JAKMIP3: variants seen among roughly 807,000 people sequenced by gnomAD.
JAKMIP3 encodes janus kinase and microtubule-interacting protein 3.
Under a neutral mutation model 118.5 loss-of-function variants are expected in JAKMIP3, and 58 were observed. The observed-to-expected ratio is 0.49, with a 90% CI of 0.40 to 0.61. The LOEUF is 0.61. JAKMIP3 is among the 20% of genes least tolerant of loss of function. JAKMIP3 has a pLI of 0.00. For synonymous variants in JAKMIP3, 486 were observed against 451.2 expected (o/e 1.08, Z -0.98); for missense variants, 950 against 1,109.0 (o/e 0.86, Z 2.04).
chr10:132,159,213 TGGGGGCATCTCTCCCTGTGTGATGCTGG>T (rs1564980469), intron 19 of JAKMIP3, among the ~76,000 whole-genome samples: 1 of 8,930 alleles, frequency 1.1e-4, no homozygotes, highest in Non-Finnish European at 1.9e-4. Flanking sequence ...TGTGATGCTG[TGGGGGCATCTCTCCCTGTGTGATGCTGG>T]GGGGGCCTCT....
chr10:132,038,062 T>C (rs1328497477), intron 1 of JAKMIP3, among the ~76,000 whole-genome samples: 1 of 152,234 alleles, frequency 6.6e-6, no homozygotes, highest in Non-Finnish European at 1.5e-5. Flanking sequence ...ATTGAGGATA[T>C]AGTTTGTTTT....
chr10:132,181,344 A>T (rs2061447666), intron 23 of JAKMIP3: 1 of 152,258 alleles, frequency 6.6e-6, no homozygotes, highest in Non-Finnish European at 1.5e-5. Flanking sequence ...AGTTGATCAC[A>T]TAATTCAGAG....
intron 1 of JAKMIP3, among the ~76,000 whole-genome samples, chr10:132,084,837 G>T (rs150998020): frequency 0.03 from 4,498 of 152,264 alleles, 112 homozygotes; most frequent in South Asian, 0.14. Flanking sequence ...ATGATCATGT[G>T]ATTTTTGTTT....
upstream of JAKMIP3, among the ~76,000 whole-genome samples, chr10:132,063,906 G>C (rs1221726001): frequency 6.6e-6 from 1 of 152,118 alleles, no homozygotes; most frequent in African/African-American, 2.4e-5. Context: ...TGTTTTTCTT[G>C]AGTGCAACAC....
At chr10:132,043,812 C>T (rs1196175091) in intron 1 of JAKMIP3, among the ~76,000 whole-genome samples, 4 of 152,144 alleles carry the variant, frequency 2.6e-5, no homozygotes, top group South Asian at 2.1e-4. Flanking sequence ...CTTCAGGCGT[C>T]GGTGTTAATG....
upstream of JAKMIP3, among the ~76,000 whole-genome samples, chr10:132,063,330 G>A (rs77127626): frequency 1.3e-5 from 2 of 152,166 alleles, no homozygotes; most frequent in African/African-American, 4.8e-5. Flanking sequence ...CACGTCCTGG[G>A]GGTGCTGGCT....
intron 1 of JAKMIP3, among the ~76,000 whole-genome samples, chr10:132,086,930 T>C (rs1328047486): frequency 1.3e-5 from 2 of 152,222 alleles, no homozygotes; most frequent in Non-Finnish European, 2.9e-5. Context: ...CTTGGCTTTT[T>C]GTTTAATTGT....
intron 1 of JAKMIP3, among the ~76,000 whole-genome samples, chr10:132,094,285 A>G (rs921469860): frequency 6.6e-5 from 10 of 151,630 alleles, no homozygotes; most frequent in Non-Finnish European, 1.2e-4. Context: ...CTTGGTTTGG[A>G]TCCATCGTTG....
At chr10:132,156,319 G>T (rs1462451923) in intron 19 of JAKMIP3, among the ~76,000 whole-genome samples, 1 of 152,116 alleles carries the variant, frequency 6.6e-6, no homozygotes, top group Admixed American at 6.5e-5. Context: ...GCATGGACAG[G>T]TTCCTCTCTG....
intron 1 of JAKMIP3, among the ~76,000 whole-genome samples, chr10:132,085,147 G>T (rs2042225081): frequency 6.6e-6 from 1 of 152,116 alleles, no homozygotes; most frequent in Non-Finnish European, 1.5e-5. Flanking sequence ...AATAGGATTG[G>T]TACCAATTCT....
At chr10:132,154,095 C>T (rs1445633240) in intron 19 of JAKMIP3, 105 bp downstream of exon 19, 11 of 944,698 alleles carry the variant, frequency 1.2e-5, no homozygotes, top group South Asian at 7.5e-5. Context: ...TGGGCCAGGT[C>T]GCAGGGCCCC....
Position 132,135,438 on chromosome 10 carries a change from C to T in JAKMIP3, c.969+278C>T, listed in dbSNP as rs560872325. On this transcript the variant is annotated intron_variant, in intron 5 of 23. Coordinates refer to ENST00000684848, the MANE Select transcript of JAKMIP3 (RefSeq NM_001323087.2). ...GCAGGTGATCTGGGATGTGCAGACG[C>T]GGCCTCTCAGTGGGGCTGTTGCCAT... Among the ~76,000 whole-genome samples the T allele has an allele frequency of 2.3e-4, 35 of 152,298 alleles. No homozygotes were observed. In the South Asian group the frequency reaches 3.5e-3, roughly 15 times the overall value.
At chr10:132,163,184 T>A in intron 19 of JAKMIP3, 25 bp from the exon 20 acceptor site, 10 of 1,544,328 alleles carry the variant, frequency 6.5e-6, no homozygotes, top group Non-Finnish European at 8.8e-6. Flanking sequence ...AGGCAAGGAC[T>A]AAGGCGTCTC....
chr10:132,039,916 C>T (rs2037667550), intron 1 of JAKMIP3, among the ~76,000 whole-genome samples: 1 of 152,262 alleles, frequency 6.6e-6, no homozygotes, highest in Non-Finnish European at 1.5e-5. Flanking sequence ...TGACACTAAG[C>T]ACTTGGGTTC....
intron 1 of JAKMIP3, among the ~76,000 whole-genome samples, chr10:132,040,658 C>CT (rs1491507588): frequency 1.6e-5 from 2 of 123,082 alleles, no homozygotes; most frequent in Non-Finnish European, 3.7e-5. Flanking sequence ...TTTTCATTTT[C>CT]ATTTTTTTTT....
At chr10:132,154,209 G>T (rs994326546) in intron 19 of JAKMIP3, among the ~76,000 whole-genome samples, 4 of 152,228 alleles carry the variant, frequency 2.6e-5, no homozygotes, top group African/African-American at 9.6e-5. Context: ...TAGTTGAGGA[G>T]GCCTAAACCC....
chr10:132,052,537 A>G (rs540442176), intron 1 of JAKMIP3, among the ~76,000 whole-genome samples: 3 of 152,096 alleles, frequency 2.0e-5, no homozygotes, highest in Admixed American at 2.0e-4. Context: ...TACTCATTCT[A>G]TCTTTTATCT....
intron 23 of JAKMIP3, among the ~76,000 whole-genome samples, chr10:132,180,586 CGT>C (rs1264719961): frequency 0.025 from 247 of 9,764 alleles, 69 homozygotes; most frequent in African/African-American, 0.064. Flanking sequence ...TGTGCGTGCG[CGT>C]GTGTGTGTGC....
At chr10:132,123,401 C>T (rs1339423736) in intron 3 of JAKMIP3, among the ~76,000 whole-genome samples, 2 of 152,218 alleles carry the variant, frequency 1.3e-5, no homozygotes, top group African/African-American at 2.4e-5. Context: ...GTTTCTCCTT[C>T]CCGTAAAGAT....
Sources: allele counts gnomAD v4.1 joint callset (sites outside exome capture counted in the v4.1 genomes callset), GRCh38; gene constraint gnomAD v4.1.1; transcripts MANE v1.5; gene names NCBI Gene and HGNC (gene_info 2026-07-23, HGNC 2026-07-21).